Variants in KCNMB2 observed in about 807,000 individuals in gnomAD.
KCNMB2 encodes the protein potassium calcium-activated channel subfamily M regulatory beta subunit 2, also known as calcium-activated potassium channel subunit beta-2.
Under a neutral mutation model 24.5 loss-of-function variants are expected in KCNMB2, and 9 were observed. The observed-to-expected ratio is 0.37, with a 90% confidence interval of 0.22 to 0.64. KCNMB2 has a LOEUF of 0.64. KCNMB2 is among the 30% of genes least tolerant of loss of function. The pLI is 0.63. For synonymous variants in KCNMB2, 109 were observed against 104.4 expected (o/e 1.04, Z -0.27); for missense variants, 226 against 284.3 (o/e 0.79, Z 1.47).
chr3:178,546,108 AT>A (rs954314677), intron 1 of KCNMB2, among the ~76,000 whole-genome samples: 1 of 152,210 alleles, frequency 6.6e-6, no homozygotes, highest in Non-Finnish European at 1.5e-5. Flanking sequence ...AATAAAGTTT[AT>A]GTACAAAGGA....
At chr3:178,576,517 G>T (rs1357955586) in intron 1 of KCNMB2, among the ~76,000 whole-genome samples, 1 of 152,158 alleles carries the variant, frequency 6.6e-6, no homozygotes, top group African/African-American at 2.4e-5. Flanking sequence ...TGGAAAGGGG[G>T]CTGAAGCCAG....
At chr3:178,696,140 G>C (rs1219490682) in intron 1 of KCNMB2, among the ~76,000 whole-genome samples, 1 of 152,216 alleles carries the variant, frequency 6.6e-6, no homozygotes, top group Admixed American at 6.5e-5. Context: ...TGAGTCCCCA[G>C]TGAAAGGGAA....
At chr3:178,768,074 A>G (rs910637208) in intron 1 of KCNMB2, among the ~76,000 whole-genome samples, 2 of 152,120 alleles carry the variant, frequency 1.3e-5, no homozygotes, top group African/African-American at 2.4e-5. Context: ...ATGTGCAGAC[A>G]GGAATTTAAG....
At chr3:178,628,606 T>C (rs1414002192) in intron 1 of KCNMB2, among the ~76,000 whole-genome samples, 1 of 152,100 alleles carries the variant, frequency 6.6e-6, no homozygotes, top group Non-Finnish European at 1.5e-5. Context: ...CGGGTGTGAG[T>C]TAAATGAACT....
intron 1 of KCNMB2, among the ~76,000 whole-genome samples, chr3:178,615,711 T>C (rs939184171): frequency 5.9e-5 from 9 of 152,144 alleles, no homozygotes; most frequent in Admixed American, 4.6e-4. Context: ...AGAAATGCCA[T>C]ACAAGAGTAA....
chr3:178,723,250 T>G (rs1311326586), intron 1 of KCNMB2, among the ~76,000 whole-genome samples: 1 of 152,248 alleles, frequency 6.6e-6, no homozygotes, highest in African/African-American at 2.4e-5. Context: ...TGTGATATCT[T>G]TAAAATATCC....
At chr3:178,789,528 A>G (rs1223601651) in intron 1 of KCNMB2, among the ~76,000 whole-genome samples, 3 of 152,240 alleles carry the variant, frequency 2.0e-5, no homozygotes, top group South Asian at 4.1e-4. Flanking sequence ...ACAGTCTTGA[A>G]TTGCCCACAC....
At chr3:178,546,681 T>C (rs1221861250) in intron 1 of KCNMB2, among the ~76,000 whole-genome samples, 2 of 152,080 alleles carry the variant, frequency 1.3e-5, no homozygotes, top group East Asian at 1.9e-4. Flanking sequence ...GGCTAAAAGG[T>C]AGAAAAGAGC....
intron 1 of KCNMB2, among the ~76,000 whole-genome samples, chr3:178,650,970 G>A (rs896711776): frequency 1.2e-4 from 19 of 152,140 alleles, no homozygotes; most frequent in Admixed American, 3.3e-4. Flanking sequence ...ATGGGCAAGA[G>A]CTGGAAGCAT....
intron 1 of KCNMB2, among the ~76,000 whole-genome samples, chr3:178,652,793 G>A (rs921457677): frequency 6.6e-6 from 1 of 151,488 alleles, no homozygotes; most frequent in African/African-American, 2.4e-5. Flanking sequence ...CTCCCGTGTT[G>A]CTGGGATTAC....
At chr3:178,589,335 G>A (rs1388288036) in intron 1 of KCNMB2, among the ~76,000 whole-genome samples, 1 of 152,142 alleles carries the variant, frequency 6.6e-6, no homozygotes. Flanking sequence ...ACCACAGCCT[G>A]TGCTAATTCA....
At chr3:178,618,615 A>C (rs1053165617) in intron 1 of KCNMB2, among the ~76,000 whole-genome samples, 1 of 152,212 alleles carries the variant, frequency 6.6e-6, no homozygotes, top group Non-Finnish European at 1.5e-5. Context: ...TCTGATTGGC[A>C]AACAGAAACC....
intron 1 of KCNMB2, among the ~76,000 whole-genome samples, chr3:178,722,734 A>C (rs1722848777): frequency 6.6e-6 from 1 of 152,154 alleles, no homozygotes; most frequent in East Asian, 1.9e-4. Context: ...CTCTACAAAA[A>C]ATACAAAAAT....
At chr3:178,589,067 G>T (rs1048107166) in intron 1 of KCNMB2, among the ~76,000 whole-genome samples, 23 of 151,944 alleles carry the variant, frequency 1.5e-4, no homozygotes, top group African/African-American at 5.6e-4. Context: ...ATCTTCTATG[G>T]CCTTAAAAAA....
chr3:178,575,281 G>T (rs919606934), intron 1 of KCNMB2, among the ~76,000 whole-genome samples: 1 of 152,294 alleles, frequency 6.6e-6, no homozygotes, highest in South Asian at 2.1e-4. Context: ...AGTGAATAGA[G>T]AGCAGGGTGA....
chr3:178,721,818 C>T (rs974347913), intron 1 of KCNMB2, among the ~76,000 whole-genome samples: 21 of 152,156 alleles, frequency 1.4e-4, no homozygotes, highest in African/African-American at 5.1e-4. Flanking sequence ...CTCACACTTC[C>T]CAAATAGCTG....
At chr3:178,655,095 CCTCTCTCTCTCTCTCTCTCTCT>C (rs67468527) in intron 1 of KCNMB2, among the ~76,000 whole-genome samples, 4 of 111,138 alleles carry the variant, frequency 3.6e-5, no homozygotes, top group South Asian at 3.1e-4. Context: ...ATTAGCTCTC[CCTCTCTCTCTCTCTCTCTCTCT>C]CTCTCTCTCT....
intron 1 of KCNMB2, among the ~76,000 whole-genome samples, chr3:178,617,042 GT>G (rs1718730860): frequency 1.3e-5 from 2 of 152,038 alleles, no homozygotes; most frequent in East Asian, 1.9e-4. Context: ...TTTTATTTTT[GT>G]TTTTTTCCTA....
At chr3:178,753,181 T>C (rs900296588) in intron 1 of KCNMB2, among the ~76,000 whole-genome samples, 2 of 152,230 alleles carry the variant, frequency 1.3e-5, no homozygotes, top group African/African-American at 4.8e-5. Context: ...GTGATAGTTA[T>C]GTCTGTAGTA....
Sources: allele counts gnomAD v4.1 joint callset (sites outside exome capture counted in the v4.1 genomes callset), GRCh38; gene constraint gnomAD v4.1.1; transcripts MANE v1.5; gene names NCBI Gene and HGNC (gene_info 2026-07-23, HGNC 2026-07-21).